DNM2: variants seen among roughly 807,000 people sequenced by gnomAD.
DNM2 encodes the protein dynamin-2.
DNM2 carries 15 observed loss-of-function variants against 99.0 expected under a neutral mutation model. The observed-to-expected ratio is 0.15, with a 90% confidence interval of 0.10 to 0.23. The LOEUF is 0.23. DNM2 is among the 10% of genes least tolerant of loss of function. The pLI, the probability that DNM2 is intolerant of heterozygous loss-of-function variation, is 1.00. For synonymous variants in DNM2, 525 were observed against 481.2 expected (o/e 1.09, Z -1.19); for missense variants, 742 against 1,189.4 (o/e 0.62, Z 5.53).
rs1290213625 is a variant in DNM2, at chr19:10,830,620, G to A, written c.2543+242G>A. The stretch of plus-strand genomic sequence containing the variant: ...CAGCTTGCCCTCTGCCTACTGGGGT[G>A]TGCCACCAGGCAGCTGGGGAACCCT... On this transcript the variant is annotated intron_variant, in intron 20 of 20. Coordinates refer to ENST00000389253, the MANE Select transcript of DNM2 (RefSeq NM_001005361.3). The surrounding 1 kb of genome is among the most constrained non-coding windows in gnomAD (Gnocchi z 4.8). 5 of 601,112 alleles carry A rather than the reference G, an allele frequency of 8.3e-6. No homozygotes were observed. Among genetic ancestry groups the A allele is most frequent in the Non-Finnish European group, 1.5e-5 (5 of 344,212 alleles). 37.2% of individuals were successfully genotyped at this position (601,112 alleles called of 1,614,324 possible). A position where few individuals can be genotyped will look rare whatever the true frequency, so the allele number is the denominator to read the frequency against.
In DNM2 at chr19:10,812,055, G is replaced by A. The variant is rs767399691; in HGVS notation, c.1558-209G>A. ...AGCCCCTGGCCCAGTGAGTCTGTCTGTCCGCCCACCTGCCCAGGTGGCGCC... is the reference window on the plus strand; with the variant it reads ...AGCCCCTGGCCCAGTGAGTCTGTCTATCCGCCCACCTGCCCAGGTGGCGCC... On this transcript the variant is annotated intron_variant, in intron 14 of 20. Coordinates refer to ENST00000389253, the MANE Select transcript of DNM2 (RefSeq NM_001005361.3). The surrounding 1 kb of genome is among the most constrained non-coding windows in gnomAD (Gnocchi z 4.0). The A allele has an allele frequency of 9.2e-6, 5 of 541,088 alleles. No individual in the cohort carries two copies. The highest frequency in any genetic ancestry group is 1.8e-5 in the Non-Finnish European group (5 of 282,400). The allele number at this position is 541,088 out of a possible 1,614,324, so 33.5% of individuals were successfully genotyped here. A position where few individuals can be genotyped will look rare whatever the true frequency, so the allele number is the denominator to read the frequency against.
chr19:10,774,536 C>T (rs1309895585), intron 3 of DNM2, among the ~76,000 whole-genome samples: 2 of 152,132 alleles, frequency 1.3e-5, no homozygotes, highest in African/African-American at 2.4e-5. Flanking sequence ...AAGTGATTCT[C>T]CTGCCTCAGC....
intron 1 of DNM2, among the ~76,000 whole-genome samples, chr19:10,722,067 A>ATGGGTGAT (rs1202036486): frequency 1.3e-5 from 2 of 152,058 alleles, no homozygotes; most frequent in African/African-American, 2.4e-5. Context: ...TGGGGCCTAG[A>ATGGGTGAT]TGGGTGATTG....
intron 11 of DNM2, among the ~76,000 whole-genome samples, chr19:10,801,908 G>GA (rs34959391): frequency 0.036 from 3,612 of 100,992 alleles, 147 homozygotes; most frequent in African/African-American, 0.12. Context: ...CCGTCTCGAA[G>GA]AAAAAAAAAA....
intron 1 of DNM2, among the ~76,000 whole-genome samples, chr19:10,720,963 T>C (rs1003980957): frequency 7.9e-5 from 12 of 152,044 alleles, no homozygotes; most frequent in African/African-American, 2.4e-4. Context: ...AGCAGAACAC[T>C]CTCACTGGAG....
intron 2 of DNM2, among the ~76,000 whole-genome samples, chr19:10,771,716 C>A (rs1051505287): frequency 6.6e-6 from 1 of 152,188 alleles, no homozygotes; most frequent in Admixed American, 6.5e-5. Context: ...CAAATGGACT[C>A]ACCCTCTCTG....
At position 10,718,262 on chromosome 19, in the gene DNM2, A is replaced by G. The variant is rs1435133623; in HGVS notation, c.20A>G (p.Glu7Gly). The G allele has an allele frequency of 1.3e-6, 2 of 1,487,918 alleles. No homozygotes were observed. The highest frequency in any genetic ancestry group is 1.8e-6 in the Non-Finnish European group (2 of 1,117,590). 92.2% of individuals were successfully genotyped at this position (1,487,918 alleles called of 1,614,324 possible). Residue 7 changes from glutamate (E) to glycine (G), a missense_variant, in exon 1 of 21, where the codon GAA becomes GGA. Glu to Gly is a moderately conservative substitution (Grantham distance 98). Transcript: ENST00000389253. Reference sequence around the variant, plus strand: ...GGCGCCATGGGCAACCGCGGGATGGAAGAGCTGATCCCGCTGGTCAACAAA... The same window carrying G: ...GGCGCCATGGGCAACCGCGGGATGGGAGAGCTGATCCCGCTGGTCAACAAA... MGNRGM[E>G]ELIPLVNKLQ... is the part of the protein sequence containing the mutation.
intron 5 of DNM2, chr19:10,781,855 C>G (rs1238525052): frequency 6.6e-6 from 1 of 151,912 alleles, no homozygotes; most frequent in Non-Finnish European, 1.5e-5. Flanking sequence ...GCTTTTCTCC[C>G]CCATATACTG....
intron 4 of DNM2, 137 bp downstream of exon 4, chr19:10,776,043 C>A: frequency 1.8e-6 from 2 of 1,131,946 alleles, no homozygotes; most frequent in Non-Finnish European, 2.5e-6. Context: ...GAACATGGCA[C>A]TTCCTCCGAG....
At chr19:10,806,028 G>T in intron 13 of DNM2, 61 bp downstream of exon 13, 4 of 1,604,636 alleles carry the variant, frequency 2.5e-6, no homozygotes, top group Non-Finnish European at 3.4e-6. Context: ...CTAAGTGACA[G>T]CTAAGCCCCC....
intron 16 of DNM2, chr19:10,823,089 A>G (rs1334964795): frequency 1.3e-5 from 2 of 151,186 alleles, no homozygotes; most frequent in African/African-American, 4.9e-5. Flanking sequence ...TGGGCGACAG[A>G]GCAAGACTCT....
chr19:10,734,427 C>T (rs2069446825), intron 1 of DNM2, among the ~76,000 whole-genome samples: 1 of 150,802 alleles, frequency 6.6e-6, no homozygotes, highest in Admixed American at 6.6e-5. Context: ...ATTGCTTGAG[C>T]CCAGGAGTTT....
In DNM2 at chr19:10,786,627, C is replaced by T; in HGVS notation, c.913C>T (p.Leu305=). 6.2e-7 allele frequency: 1 copy of T among 1,614,194 alleles called. No homozygotes were observed. Among genetic ancestry groups the T allele is most frequent in the Non-Finnish European group, 8.5e-7 (1 of 1,180,030 alleles). The part of the protein sequence containing the change: ...ALRSKLQSQL[L]SLEKEVEEYK... ...ACGTAGCAAACTACAGAGCCAGCTG[C>T]TGTCCCTGGAGAAGGAGGTGGAGGA... The change falls in exon 7 of 21, where the codon CTG becomes TTG. Residue 305 remains leucine, a synonymous_variant. Transcript: ENST00000389253.
intron 1 of DNM2, among the ~76,000 whole-genome samples, chr19:10,754,250 C>G (rs552751414): frequency 2.0e-5 from 3 of 151,638 alleles, no homozygotes; most frequent in African/African-American, 7.3e-5. Flanking sequence ...TATAGTTAAT[C>G]GCTTAAGTCT....
Position 10,764,426 on chromosome 19 carries a change from A to G in DNM2, c.235+4615A>G, listed in dbSNP as rs542150835. Among the ~76,000 whole-genome samples, 3 of 152,286 alleles carry G rather than the reference A, an allele frequency of 2.0e-5. No individual in the cohort carries two copies. Among genetic ancestry groups the G allele is most frequent in the East Asian group, 3.9e-4 (2 of 5,174 alleles). On this transcript the variant is annotated intron_variant, in intron 2 of 20. Transcript: ENST00000389253. The surrounding 1 kb of genome is among the most constrained non-coding windows in gnomAD (Gnocchi z 4.1). ...CCCCAGTGAACCATAACTTCCAGCC[A>G]TAGAAGTTTAAACATTACCTAAGAC...
intron 2 of DNM2, among the ~76,000 whole-genome samples, chr19:10,760,925 T>C (rs902391260): frequency 6.6e-6 from 1 of 150,728 alleles, no homozygotes; most frequent in African/African-American, 2.4e-5. Flanking sequence ...CTTCCCACAG[T>C]GCTGGGATTA....
chr19:10,827,779 G>T (rs1006747596), intron 18 of DNM2, among the ~76,000 whole-genome samples: 3 of 151,922 alleles, frequency 2.0e-5, no homozygotes, highest in African/African-American at 7.3e-5. Context: ...TGAGGCAGGA[G>T]AATCACTTGA....
intron 2 of DNM2, among the ~76,000 whole-genome samples, chr19:10,761,053 A>G (rs2070612571): frequency 6.6e-6 from 1 of 151,590 alleles, no homozygotes; most frequent in South Asian, 2.1e-4. Context: ...CAGTGGCGTG[A>G]TCTCGGCTCA....
intron 2 of DNM2, among the ~76,000 whole-genome samples, chr19:10,770,761 C>G (rs933128905): frequency 6.6e-6 from 1 of 152,210 alleles, no homozygotes; most frequent in East Asian, 1.9e-4. Context: ...CATCAGATCT[C>G]GTGAGACTTA....
Sources: gnomAD v4.1 joint callset for allele counts (sites outside exome capture counted in the v4.1 genomes callset) on GRCh38, gnomAD v4.1.1 for gene constraint, Gnocchi (gnomAD v3.1) non-coding constraint, MANE v1.5 for transcripts, NCBI Gene and HGNC (gene_info 2026-07-23, HGNC 2026-07-21) for gene names.